Variants in FSIP2 observed in about 807,000 individuals in gnomAD.
The protein encoded by FSIP2 is fibrous sheath-interacting protein 2.
FSIP2 carries 367 observed loss-of-function variants against 510.5 expected under a neutral mutation model. The observed-to-expected ratio is 0.72, with a 90% confidence interval of 0.66 to 0.78. The LOEUF (loss-of-function observed/expected upper bound fraction) is 0.78. FSIP2 is among the 30% of genes least tolerant of loss of function. The probability of loss-of-function intolerance (pLI) is 0.00; values close to 1 mark genes in which losing one functional copy is unlikely to be tolerated. For synonymous variants in FSIP2, 2,601 were observed against 2,732.2 expected, an observed-to-expected ratio of 0.95 and a Z score of 1.50; for missense variants, 7,594 against 7,901.7, an observed-to-expected ratio of 0.96 and a Z score of 1.48.
At chr2:185,784,297 G>GTAAC (rs1692915823) in intron 14 of FSIP2, among the ~76,000 whole-genome samples, 1 of 152,108 alleles carries the variant, frequency 6.6e-6, no homozygotes, top group Non-Finnish European at 1.5e-5. Flanking sequence ...GGTATAAGGA[G>GTAAC]TAACAGTGAA....
intron 7 of FSIP2, among the ~76,000 whole-genome samples, chr2:185,749,251 T>G (rs1341348623): frequency 2.6e-5 from 4 of 151,954 alleles, no homozygotes; most frequent in African/African-American, 9.7e-5. Context: ...AATTTACCTC[T>G]TTATAATATT....
At chr2:185,826,984 G>A (rs1433033799) in intron 20 of FSIP2, among the ~76,000 whole-genome samples, 2 of 151,764 alleles carry the variant, frequency 1.3e-5, no homozygotes, top group Non-Finnish European at 2.9e-5. Context: ...ATAAATATCA[G>A]GAATTTTTCT....
Position 185,799,947 on chromosome 2 carries a change from G to C in FSIP2, c.10641G>C (p.Glu3547Asp). ...TTTCAATTCATTCTCAAGTGTTTGA[G>C]AGCAGGTCAATTTCCATTGGAGAAC... ...KIISIHSQVF[E>D]SRSISIGELA... The change falls in exon 17 of 23, where the codon GAG (glutamate) becomes GAC (aspartate). Residue 3547 changes from glutamate (E) to aspartate (D), a missense_variant. Glu to Asp is a conservative substitution (Grantham distance 45). Coordinates refer to ENST00000424728, the MANE Select transcript of FSIP2 (RefSeq NM_173651.4). 6.5e-7 allele frequency: 1 copy of C among 1,533,038 alleles called. No homozygotes were observed. The highest frequency in any genetic ancestry group is 8.7e-7 in the Non-Finnish European group (1 of 1,144,926). The allele number at this position is 1,533,038 out of a possible 1,614,324, so 95.0% of individuals were successfully genotyped here. A position where few individuals can be genotyped will look rare whatever the true frequency, so the allele number is the denominator to read the frequency against.
chr2:185,766,843 A>G, intron 13 of FSIP2, among the ~76,000 whole-genome samples: 1 of 130,826 alleles, frequency 7.6e-6, no homozygotes, highest in Non-Finnish European at 1.6e-5. Context: ...ACTATAAATC[A>G]TGCTGCTATA....
At chr2:185,761,595 A>G (rs1037528250) in intron 10 of FSIP2, among the ~76,000 whole-genome samples, 6 of 151,196 alleles carry the variant, frequency 4.0e-5, no homozygotes, top group Non-Finnish European at 4.5e-5. Flanking sequence ...AGTGTTTTTA[A>G]TAAGCATTAC....
chr2:185,808,896 C>A lies in FSIP2; in HGVS notation c.19590C>A (p.Val6530=). 1.9e-6 allele frequency: 3 copies of A among 1,604,848 alleles called. No individual in the cohort carries two copies. Among genetic ancestry groups the A allele is most frequent in the Non-Finnish European group, 2.5e-6 (3 of 1,177,402 alleles). Residue 6530 remains valine (V), a synonymous_variant, in exon 17 of 23, where the codon GTC becomes GTA. Coordinates refer to ENST00000424728, the MANE Select transcript of FSIP2 (RefSeq NM_173651.4). ...KIVPHVGKKP[V]KIDPKIISEH... is the part of the protein sequence containing the mutation. The stretch of plus-strand genomic sequence containing the variant: ...TTCCACATGTTGGAAAAAAACCAGT[C>A]AAAATAGATCCAAAAATTATTTCAG...
rs990964411 is a variant in FSIP2 at position 185,804,546 on chromosome 2, T to G, written c.15240T>G (p.Ser5080=). The stretch of plus-strand genomic sequence containing the variant: ...CATTAGTTTCAGGAGAATTAGAGTC[T>G]TCTTCTTATTCGTATCCCCAAGCTG... ...VQSLVSGELE[S]SSYSYPQADN... The change falls in exon 17 of 23, where the codon TCT becomes TCG. Residue 5080 remains serine, a synonymous_variant. Coordinates refer to ENST00000424728, the MANE Select transcript of FSIP2 (RefSeq NM_173651.4). 5.9e-6 allele frequency: 9 copies of G among 1,524,448 alleles called. No individual in the cohort carries two copies. The highest frequency in any genetic ancestry group is 4.1e-5 in the Admixed American group (2 of 49,226). The allele number at this position is 1,524,448 out of a possible 1,614,324, so 94.4% of individuals were successfully genotyped here. A position where few individuals can be genotyped will look rare whatever the true frequency, so the allele number is the denominator to read the frequency against.
At position 185,808,579 on chromosome 2, in the gene FSIP2, G is replaced by GA; in HGVS notation, c.19273_19274insA (p.Val6425AspfsTer3). On this transcript the variant is annotated frameshift_variant, in exon 17 of 23. Coordinates refer to ENST00000424728, the MANE Select transcript of FSIP2 (RefSeq NM_173651.4). LOFTEE classifies it high-confidence loss of function. ...AAGGATTTATCAGGTTGTCGATTCCGTTTATAGTAACATACTGCAACAATC... is the reference window on the plus strand; with the variant it reads ...AAGGATTTATCAGGTTGTCGATTCCGATTTATAGTAACATACTGCAACAATC... 2 of 1,611,698 alleles carry GA rather than the reference G, an allele frequency of 1.2e-6. No individual in the cohort carries two copies. Among genetic ancestry groups the GA allele is most frequent in the Non-Finnish European group, 1.7e-6 (2 of 1,178,814 alleles).
At chr2:185,755,305 T>C (rs1187310615) in intron 8 of FSIP2, among the ~76,000 whole-genome samples, 1 of 151,626 alleles carries the variant, frequency 6.6e-6, no homozygotes, top group Non-Finnish European at 1.5e-5. Flanking sequence ...GTTTGCTAAA[T>C]TGATTAATTC....
At chr2:185,753,947 G>T in intron 8 of FSIP2, 105 bp downstream of exon 8, 1 of 740,026 alleles carries the variant, frequency 1.4e-6, no homozygotes, top group Non-Finnish European at 2.0e-6. Context: ...TTCTCCCTTT[G>T]TGCCAGACAT....
Position 185,789,598 on chromosome 2 carries a change from A to AG in FSIP2, c.2464dup (p.Asp822GlyfsTer17). ...TTGGACCCAATGTGTGATATTGCAGAGGACATGGTGCATGCCATTTTAGAA... is the reference window on the plus strand; with the variant it reads ...TTGGACCCAATGTGTGATATTGCAGAGGGACATGGTGCATGCCATTTTAGAA... On this transcript the variant is annotated frameshift_variant, in exon 16 of 23. Transcript: ENST00000424728. LOFTEE classifies it high-confidence loss of function. 4 of 1,534,976 alleles carry AG rather than the reference A, an allele frequency of 2.6e-6. No homozygotes were observed. Among genetic ancestry groups the AG allele is most frequent in the Non-Finnish European group, 3.5e-6 (4 of 1,145,946 alleles).
chr2:185,813,641 C>T lies in FSIP2; in HGVS notation c.19924C>T (p.Arg6642Ter), dbSNP rs1208600297. The T allele has an allele frequency of 6.9e-6, 11 of 1,596,516 alleles. No homozygotes were observed. The highest frequency in any genetic ancestry group is 1.7e-4 in the Middle Eastern group (1 of 5,988). The change falls in exon 18 of 23, where the codon CGA (arginine) becomes TGA (stop). Residue 6642 changes from arginine to a stop codon, truncating the protein, a stop_gained. Coordinates refer to ENST00000424728, the MANE Select transcript of FSIP2 (RefSeq NM_173651.4). LOFTEE classifies it high-confidence loss of function. Reference protein sequence around the residue: ...DVQSKNDLIVRLVAHDIDQVY... With the variant: ...DVQSKNDLIV ...TCAAAGTAAAAATGATCTTATTGTT[C>T]GATTAGTAGCTCATGATATTGATCA...
At chr2:185,752,079 G>C (rs1356486759) in intron 7 of FSIP2, among the ~76,000 whole-genome samples, 1 of 145,464 alleles carries the variant, frequency 6.9e-6, no homozygotes. Context: ...TTTTTTTTCT[G>C]TCTGAAGGGC....
intron 20 of FSIP2, among the ~76,000 whole-genome samples, chr2:185,827,134 T>A (rs1420743103): frequency 1.3e-5 from 2 of 151,866 alleles, no homozygotes; most frequent in Non-Finnish European, 2.9e-5. Flanking sequence ...ATAAAGTATG[T>A]CAAATTATGT....
intron 13 of FSIP2, among the ~76,000 whole-genome samples, chr2:185,780,165 G>A (rs955073135): frequency 1.3e-5 from 2 of 151,490 alleles, no homozygotes; most frequent in Non-Finnish European, 2.9e-5. Flanking sequence ...CCCCCACCTC[G>A]GGCTGTTTTT....
chr2:185,801,946 G>A lies in FSIP2; in HGVS notation c.12640G>A (p.Val4214Met), dbSNP rs769871931. 1.1e-5 allele frequency: 17 copies of A among 1,520,430 alleles called. No homozygotes were observed. Among genetic ancestry groups the A allele is most frequent in the Non-Finnish European group, 1.5e-5 (17 of 1,138,610 alleles). The allele number at this position is 1,520,430 out of a possible 1,614,324, so 94.2% of individuals were successfully genotyped here. The change falls in exon 17 of 23, where the codon GTG becomes ATG. Residue 4214 changes from valine to methionine, a missense_variant. Transcript: ENST00000424728. ...LYTGKNLQKM[V>M]DSVYCNILQM... ...TACTGGAAAAAACCTCCAAAAGATGGTGGATTCTGTATATTGTAATATTTT... is the reference window on the plus strand; with the variant it reads ...TACTGGAAAAAACCTCCAAAAGATGATGGATTCTGTATATTGTAATATTTT...
chr2:185,796,329 C>T lies in FSIP2; in HGVS notation c.9193C>T (p.Gln3065Ter), dbSNP rs1482355567. ...SNTINFKENIQNILLRVHSFH... is the reference protein window; with the variant it reads ...SNTINFKENI Reference sequence around the variant, plus strand: ...TACTATTAATTTCAAGGAAAACATACAGAATATCCTTCTACGGGTTCATTC... The same window carrying T: ...TACTATTAATTTCAAGGAAAACATATAGAATATCCTTCTACGGGTTCATTC... Residue 3065 changes from glutamine to a stop codon, truncating the protein, a stop_gained, in exon 16 of 23, where the codon CAG becomes TAG. Coordinates refer to ENST00000424728, the MANE Select transcript of FSIP2 (RefSeq NM_173651.4). LOFTEE classifies it high-confidence loss of function. 3.3e-6 allele frequency: 5 copies of T among 1,533,192 alleles called. No homozygotes were observed. The African/African-American group carries it at 4.1e-5, about 13-fold the overall frequency. The allele number at this position is 1,533,192 out of a possible 1,614,324, so 95.0% of individuals were successfully genotyped here. A position where few individuals can be genotyped will look rare whatever the true frequency, so the allele number is the denominator to read the frequency against.
chr2:185,744,422 T>C lies in FSIP2; in HGVS notation c.477+11T>C, dbSNP rs1362379366. Reference sequence around the variant, plus strand: ...TATATAAAAGAACAAGTAAGTTAAATACTTAAATTTGGTTTATTTACATAG... The same window carrying C: ...TATATAAAAGAACAAGTAAGTTAAACACTTAAATTTGGTTTATTTACATAG... On this transcript the variant is annotated intron_variant, in intron 4 of 22. Transcript: ENST00000424728. 2 of 752,196 alleles carry C rather than the reference T, an allele frequency of 2.7e-6. No individual in the cohort carries two copies. Among genetic ancestry groups the C allele is most frequent in the East Asian group, 6.7e-5 (2 of 29,758 alleles). The allele number at this position is 752,196 out of a possible 1,614,324, so 46.6% of individuals were successfully genotyped here. A position where few individuals can be genotyped will look rare whatever the true frequency, so the allele number is the denominator to read the frequency against.
At position 185,762,007 on chromosome 2, in the gene FSIP2, C is replaced by T. The variant is rs549124494; in HGVS notation, c.1230C>T (p.Phe410=). ...DGMVSKNSSI[F]DDRGGINISG... ...TGGTATCTAAAAACTCAAGTATTTT[C>T]GATGATAGAGGTAAGAAAATAAACA... Residue 410 remains phenylalanine (F), a synonymous_variant, in exon 11 of 23, where the codon TTC becomes TTT. Transcript: ENST00000424728. 31 of 1,463,910 alleles carry T rather than the reference C, an allele frequency of 2.1e-5. No homozygotes were observed. In the Admixed American group the frequency reaches 4.4e-4, roughly 21 times the overall value. The allele number at this position is 1,463,910 out of a possible 1,614,324, so 90.7% of individuals were successfully genotyped here.
Sources: allele counts gnomAD v4.1 joint callset (sites outside exome capture counted in the v4.1 genomes callset), GRCh38; gene constraint gnomAD v4.1.1; transcripts MANE v1.5; gene names NCBI Gene and HGNC (gene_info 2026-07-23, HGNC 2026-07-21).